Variants in DPM1 observed in about 807,000 individuals in gnomAD.
DPM1 encodes dolichol-phosphate mannosyltransferase subunit 1.
Under a neutral mutation model 39.0 loss-of-function variants are expected in DPM1, and 27 were observed. The ratio of observed to expected loss-of-function variants is 0.69; its 90% confidence interval spans 0.51 to 0.95. The LOEUF is 0.95. Ranked by LOEUF, DPM1 falls within the 40% of genes least tolerant of loss-of-function variation. DPM1 has a pLI of 0.00. For synonymous variants in DPM1, 124 were observed against 109.0 expected (o/e 1.14, Z -0.86); for missense variants, 307 against 315.6 (o/e 0.97, Z 0.21).
chr20:50,941,227 AATATATATATATAT>A lies in DPM1; in HGVS notation c.495-308_495-295del, dbSNP rs58694792. ...CTCCATCACTACAAAAAAAAAAGTGAATATATATATATATATATATATATATATATATATATAAA... is the reference window on the plus strand; with the variant it reads ...CTCCATCACTACAAAAAAAAAAGTGAATATATATATATATATATATATAAA... On this transcript the variant is annotated intron_variant, in intron 6 of 8. Coordinates refer to ENST00000371588, the MANE Select transcript of DPM1 (RefSeq NM_003859.3). 1.4e-3 allele frequency: 85 copies of A among 61,184 alleles called. 3 individuals carry two copies. Among genetic ancestry groups the A allele is most frequent in the Middle Eastern group, 0.022 (2 of 92 alleles). The allele number at this position is 61,184 out of a possible 1,614,324, so 3.8% of individuals were successfully genotyped here.
At chr20:50,935,770 G>A (rs183804611) in intron 8 of DPM1, among the ~76,000 whole-genome samples, 27 of 152,080 alleles carry the variant, frequency 1.8e-4, no homozygotes, top group Non-Finnish European at 3.2e-4. Flanking sequence ...GTAATTCCTG[G>A]TCTTCTCTTA....
chr20:50,955,879 C>A (rs557367081), intron 1 of DPM1, among the ~76,000 whole-genome samples: 3 of 152,184 alleles, frequency 2.0e-5, no homozygotes, highest in African/African-American at 4.8e-5. Flanking sequence ...AATTTTATTA[C>A]CTATTTGGAA....
At chr20:50,942,803 C>G (rs541774440) in intron 5 of DPM1, among the ~76,000 whole-genome samples, 4 of 152,342 alleles carry the variant, frequency 2.6e-5, no homozygotes, top group Admixed American at 2.0e-4. Context: ...CAAACATACA[C>G]CCCTAGGATT....
chr20:50,938,671 C>T (rs1399599966), intron 7 of DPM1, among the ~76,000 whole-genome samples: 7 of 149,748 alleles, frequency 4.7e-5, no homozygotes, highest in African/African-American at 7.3e-5. Context: ...TGAGCCACCG[C>T]GCCCAGCCTA....
intron 1 of DPM1, among the ~76,000 whole-genome samples, chr20:50,957,116 A>G (rs1277674799): frequency 6.6e-6 from 1 of 152,236 alleles, no homozygotes; most frequent in Non-Finnish European, 1.5e-5. Flanking sequence ...AATCAAAATT[A>G]AAAGATTAAA....
chr20:50,935,347 C>A lies in DPM1; in HGVS notation c.679-111G>T, dbSNP rs555496842. On this transcript the variant is annotated intron_variant, in intron 8 of 8. Transcript: ENST00000371588. ...ATAGGATTAGTCCTACAACAGAGGTCCTTAAAGTAAGTATAAAATTAGGGG... is the reference window on the plus strand; with the variant it reads ...ATAGGATTAGTCCTACAACAGAGGTACTTAAAGTAAGTATAAAATTAGGGG... 1.3e-5 allele frequency: 9 copies of A among 719,398 alleles called. No homozygotes were observed. The African/African-American group carries it at 1.4e-4, about 11-fold the overall frequency. The allele number at this position is 719,398 out of a possible 1,614,324, so 44.6% of individuals were successfully genotyped here.
At chr20:50,941,981 T>C in intron 6 of DPM1, 50 bp downstream of exon 6, 1 of 1,466,276 alleles carries the variant, frequency 6.8e-7, no homozygotes, top group South Asian at 1.1e-5. Flanking sequence ...TTGCTATGAA[T>C]ACATTTCCAG....
Position 50,940,949 on chromosome 20 carries a change from A to G in DPM1, c.495-16T>C. On this transcript the variant is annotated splice_polypyrimidine_tract_variant and intron_variant, in intron 6 of 8. Transcript: ENST00000371588. Reference sequence around the variant, plus strand: ...GGCCCCACGGCTGCCAAATAAAACAATCAGATCTTCTTTACAAAATACAAT... The same window carrying G: ...GGCCCCACGGCTGCCAAATAAAACAGTCAGATCTTCTTTACAAAATACAAT... 6.2e-7 allele frequency: 1 copy of G among 1,612,456 alleles called. No homozygotes were observed. Among genetic ancestry groups the G allele is most frequent in the Non-Finnish European group, 8.5e-7 (1 of 1,178,676 alleles).
chr20:50,947,781 A>C (rs1248653436), intron 3 of DPM1, among the ~76,000 whole-genome samples: 1 of 152,094 alleles, frequency 6.6e-6, no homozygotes, highest in Non-Finnish European at 1.5e-5. Flanking sequence ...GATGCGCGTC[A>C]CGACGCCCAG....
intron 3 of DPM1, 81 bp downstream of exon 3, chr20:50,948,548 A>G (rs1008695624): frequency 2.2e-6 from 3 of 1,350,348 alleles, no homozygotes; most frequent in African/African-American, 2.9e-5. Context: ...TTTTGGCCCT[A>G]TTCCAAACTG....
intron 2 of DPM1, among the ~76,000 whole-genome samples, chr20:50,953,591 G>C (rs1986691047): frequency 6.6e-6 from 1 of 152,020 alleles, no homozygotes; most frequent in African/African-American, 2.4e-5. Context: ...GGTAGTAGAG[G>C]GAAATCGTAA....
chr20:50,954,402 T>C (rs1986728160), intron 2 of DPM1, among the ~76,000 whole-genome samples: 1 of 152,010 alleles, frequency 6.6e-6, no homozygotes, highest in African/African-American at 2.4e-5. Context: ...CATCCTACAA[T>C]AAACACGACA....
intron 6 of DPM1, among the ~76,000 whole-genome samples, chr20:50,941,364 T>TAC (rs1475953560): frequency 1.2e-3 from 164 of 133,430 alleles, no homozygotes; most frequent in African/African-American, 5.0e-3. Flanking sequence ...CATATACATA[T>TAC]ATATTCATAT....
intron 2 of DPM1, among the ~76,000 whole-genome samples, chr20:50,953,691 G>C (rs1160028203): frequency 6.6e-6 from 1 of 152,118 alleles, no homozygotes; most frequent in Non-Finnish European, 1.5e-5. Flanking sequence ...AAATTTGAAA[G>C]GTCAGTTTAG....
chr20:50,938,615 T>C (rs1314526091), intron 7 of DPM1, among the ~76,000 whole-genome samples: 1 of 150,650 alleles, frequency 6.6e-6, no homozygotes, highest in African/African-American at 2.4e-5. Context: ...CTCCTGACCT[T>C]GTGATCCACC....
At position 50,958,397 on chromosome 20, in the gene DPM1, T is replaced by C. The variant is rs769480044; in HGVS notation, c.127A>G (p.Ile43Val). The C allele has an allele frequency of 6.2e-6, 10 of 1,614,030 alleles. No homozygotes were observed. In the South Asian group the frequency reaches 8.8e-5, roughly 14 times the overall value. ...AAGCTTTTCACCAGCAGCCACACGA[T>C]GAGCGGCAGGTTCTCGCGCTCGTTG... ...TYNERENLPL[I>V]VWLLVKSFSE... The change falls in exon 1 of 9, where the codon ATC becomes GTC. Residue 43 changes from isoleucine (I) to valine (V), a missense_variant. This residue lies in a region of DPM1 where 206 missense variants were observed against 188.2 expected (regional missense o/e 1.09). Coordinates refer to ENST00000371588, the MANE Select transcript of DPM1 (RefSeq NM_003859.3).
At chr20:50,948,589 C>CA in intron 3 of DPM1, 40 bp downstream of exon 3, 1 of 1,602,234 alleles carries the variant, frequency 6.2e-7, no homozygotes, top group East Asian at 2.2e-5. Flanking sequence ...TGTCACCAAG[C>CA]AAGCAGCAGG....
chr20:50,957,975 G>T (rs774906669), intron 1 of DPM1, among the ~76,000 whole-genome samples: 3 of 152,192 alleles, frequency 2.0e-5, no homozygotes, highest in Non-Finnish European at 4.4e-5. Flanking sequence ...CTCGGCACCG[G>T]AGCGGAGAGT....
chr20:50,944,924 G>A (rs1282978342), intron 5 of DPM1: 1 of 152,158 alleles, frequency 6.6e-6, no homozygotes, highest in African/African-American at 2.4e-5. Flanking sequence ...ATTTGGTGTG[G>A]TATTTGTATT....
Sources: allele counts gnomAD v4.1 joint callset (sites outside exome capture counted in the v4.1 genomes callset), GRCh38; gene constraint gnomAD v4.1.1; regional missense constraint gnomAD v4.1.1; transcripts MANE v1.5; gene names NCBI Gene and HGNC (gene_info 2026-07-23, HGNC 2026-07-21).